Variants in TRERF1 observed in about 807,000 individuals in gnomAD.
TRERF1 encodes transcriptional regulating factor 1, also known as transcriptional-regulating factor 1.
Under a neutral mutation model 122.9 loss-of-function variants are expected in TRERF1, and 27 were observed. That is an observed-to-expected ratio of 0.22 (90% CI 0.16 to 0.30). The LOEUF (loss-of-function observed/expected upper bound fraction) is 0.30. Ranked by LOEUF, TRERF1 falls within the 10% of genes least tolerant of loss-of-function variation. TRERF1 has a pLI of 1.00. For missense variants in TRERF1, 1,248 were observed against 1,560.3 expected, an observed-to-expected ratio of 0.80 and a Z score of 3.37; for synonymous variants, 636 against 641.7, an observed-to-expected ratio of 0.99 and a Z score of 0.13.
chr6:42,226,028 G>C (rs983365515), exon 18 of TRERF1: 2 of 150,328 alleles, frequency 1.3e-5, no homozygotes, highest in African/African-American at 4.9e-5. Context: ...AATTATTTCA[G>C]AAAAAAAAAT....
At chr6:42,383,522 T>C (rs1202761786) in intron 2 of TRERF1, among the ~76,000 whole-genome samples, 2 of 151,976 alleles carry the variant, frequency 1.3e-5, no homozygotes, top group Non-Finnish European at 2.9e-5. Flanking sequence ...AGGCACTTGC[T>C]CTCCATATGA....
chr6:42,400,502 G>A (rs1227202283), intron 2 of TRERF1, among the ~76,000 whole-genome samples: 1 of 152,196 alleles, frequency 6.6e-6, no homozygotes, highest in African/African-American at 2.4e-5. Flanking sequence ...GGGTACACCT[G>A]GGGATGCAGT....
intron 3 of TRERF1, among the ~76,000 whole-genome samples, chr6:42,350,736 T>A (rs1215587732): frequency 1.3e-5 from 2 of 152,156 alleles, no homozygotes; most frequent in Non-Finnish European, 2.9e-5. Context: ...AGGAGTACTG[T>A]TAACTGGGCA....
At chr6:42,369,473 T>C (rs892313277) in intron 2 of TRERF1, among the ~76,000 whole-genome samples, 1 of 151,904 alleles carries the variant, frequency 6.6e-6, no homozygotes, top group African/African-American at 2.4e-5. Flanking sequence ...ACAAACAAAC[T>C]GAGGAGTCCA....
At chr6:42,306,864 G>A (rs1168097249) in intron 3 of TRERF1, among the ~76,000 whole-genome samples, 1 of 152,152 alleles carries the variant, frequency 6.6e-6, no homozygotes, top group Admixed American at 6.5e-5. Flanking sequence ...GCTCTATCAG[G>A]GCATGGGCTA....
intron 2 of TRERF1, among the ~76,000 whole-genome samples, chr6:42,445,868 A>C (rs1289855695): frequency 2.6e-5 from 4 of 152,120 alleles, no homozygotes; most frequent in Non-Finnish European, 5.9e-5. Flanking sequence ...TAAAACGTGA[A>C]TTAGGGGCTG....
At chr6:42,399,751 T>C (rs935548973) in intron 2 of TRERF1, among the ~76,000 whole-genome samples, 1 of 152,088 alleles carries the variant, frequency 6.6e-6, no homozygotes, top group East Asian at 1.9e-4. Context: ...CTCCAGTGGG[T>C]CATTGAGACT....
At position 42,268,954 on chromosome 6, in the gene TRERF1, T is replaced by C; in HGVS notation, c.637A>G (p.Thr213Ala). The C allele has an allele frequency of 6.2e-7, 1 of 1,611,810 alleles. No homozygotes were observed. Among genetic ancestry groups the C allele is most frequent in the Non-Finnish European group, 8.5e-7 (1 of 1,178,342 alleles). Residue 213 changes from threonine to alanine, a missense_variant, in exon 5 of 18, where the codon ACT (threonine) becomes GCT (alanine). Coordinates refer to ENST00000372922, the Ensembl canonical transcript of TRERF1. The surrounding 1 kb of genome is among the most constrained non-coding windows in gnomAD (Gnocchi z 4.4). ...AGAGCTGGTTTGGACAGCCCACCAGTGAAACCAGGGTGAGGCTGCTGGGGC... is the reference window on the plus strand; with the variant it reads ...AGAGCTGGTTTGGACAGCCCACCAGCGAAACCAGGGTGAGGCTGCTGGGGC...
At chr6:42,411,949 G>A (rs1781150362) in intron 2 of TRERF1, among the ~76,000 whole-genome samples, 1 of 151,676 alleles carries the variant, frequency 6.6e-6, no homozygotes, top group African/African-American at 2.4e-5. Flanking sequence ...TTTTTCATTT[G>A]GGGATTCTTT....
intron 2 of TRERF1, among the ~76,000 whole-genome samples, chr6:42,372,829 T>C (rs568826995): frequency 1.3e-5 from 2 of 152,272 alleles, no homozygotes; most frequent in African/African-American, 4.8e-5. Context: ...AGCACACACG[T>C]GGCACTGACC....
intron 4 of TRERF1, among the ~76,000 whole-genome samples, chr6:42,297,224 G>C (rs1329961941): frequency 6.6e-6 from 1 of 152,184 alleles, no homozygotes; most frequent in Non-Finnish European, 1.5e-5. Context: ...CAATATGGCA[G>C]ACCGGATACC....
intron 3 of TRERF1, among the ~76,000 whole-genome samples, chr6:42,321,880 T>C (rs1046465588): frequency 7.9e-5 from 12 of 152,270 alleles, no homozygotes; most frequent in African/African-American, 2.9e-4. Context: ...AATGTGCAAC[T>C]TGTCATTTAT....
chr6:42,267,449 G>A (rs2149880407), intron 5 of TRERF1, among the ~76,000 whole-genome samples: 1 of 152,290 alleles, frequency 6.6e-6, no homozygotes, highest in South Asian at 2.1e-4. Context: ...CCAACATGGT[G>A]AAACCTTGTC....
chr6:42,264,715 T>C (rs751816712), exon 7 of TRERF1: 1 of 1,614,034 alleles, frequency 6.2e-7, no homozygotes, highest in Non-Finnish European at 8.5e-7. Context: ...TGTTTGAGGT[T>C]GGGGGAGGCC....
intron 2 of TRERF1, among the ~76,000 whole-genome samples, chr6:42,365,413 C>G (rs1475251020): frequency 1.3e-5 from 2 of 152,152 alleles, no homozygotes; most frequent in Admixed American, 1.3e-4. Context: ...CCAAGCAGTT[C>G]CATCTCTTTC....
intron 2 of TRERF1, among the ~76,000 whole-genome samples, chr6:42,408,210 A>AATATATATATATATATATATATATAT (rs34821629): frequency 5.6e-5 from 6 of 107,156 alleles, no homozygotes; most frequent in Admixed American, 1.0e-4. Context: ...TATATAAATA[A>AATATATATATATATATATATATATAT]ATATATATAT....
At chr6:42,235,687 C>T (rs1471882100) in intron 16 of TRERF1, among the ~76,000 whole-genome samples, 1 of 152,066 alleles carries the variant, frequency 6.6e-6, no homozygotes, top group Non-Finnish European at 1.5e-5. Context: ...ATCTTTGTAA[C>T]AGTGTTCTCA....
At chr6:42,384,129 T>C (rs1199346928) in intron 2 of TRERF1, among the ~76,000 whole-genome samples, 4 of 152,102 alleles carry the variant, frequency 2.6e-5, no homozygotes, top group African/African-American at 9.7e-5. Context: ...TAGGAATTTA[T>C]CCTACAGACA....
chr6:42,343,869 T>C (rs1767762089), intron 3 of TRERF1, among the ~76,000 whole-genome samples: 1 of 152,132 alleles, frequency 6.6e-6, no homozygotes, highest in South Asian at 2.1e-4. Flanking sequence ...GCACCTACAG[T>C]GCTAAGAGGG....
Sources: allele counts gnomAD v4.1 joint callset (sites outside exome capture counted in the v4.1 genomes callset), GRCh38; gene constraint gnomAD v4.1.1; non-coding constraint Gnocchi (gnomAD v3.1); transcripts MANE v1.5; gene names NCBI Gene and HGNC (gene_info 2026-07-23, HGNC 2026-07-21).